The following TRIM71 variants were observed in gnomAD, a reference collection of about 807,000 sequenced individuals.
TRIM71 encodes E3 ubiquitin-protein ligase TRIM71.
Under a neutral mutation model 61.2 loss-of-function variants are expected in TRIM71, and 9 were observed. That is an observed-to-expected ratio of 0.15 (90% CI 0.09 to 0.26). TRIM71 has a LOEUF of 0.26. Ranked by LOEUF, TRIM71 falls within the 10% of genes least tolerant of loss-of-function variation. The pLI, the probability that TRIM71 is intolerant of heterozygous loss-of-function variation, is 1.00. For missense variants in TRIM71, 998 were observed against 1,238.7 expected (o/e 0.81, Z 2.92); for synonymous variants, 645 against 553.2 (o/e 1.17, Z -2.33).
chr3:32,886,214 A>G (rs1286415583), intron 3 of TRIM71, 146 bp downstream of exon 3: 8 of 1,143,526 alleles, frequency 7.0e-6, no homozygotes, highest in Non-Finnish European at 8.2e-6. Context: ...GTTAGCAGAA[A>G]GATGCAGGGG....
At chr3:32,845,718 C>CT (rs67054324) in intron 1 of TRIM71, among the ~76,000 whole-genome samples, 12 of 146,126 alleles carry the variant, frequency 8.2e-5, no homozygotes, top group African/African-American at 2.5e-4. Flanking sequence ...AAGTTTGGAT[C>CT]TTTTTTTTTT....
rs754347144 is a variant in TRIM71, at chr3:32,890,884, C to T, written c.1680C>T (p.His560=). ...ACCGACCCCAGCTGGAGGGTGAGCA[C>T]CTGGTATCTGTGACACTGTGCAACC... ...VSYRPQLEGE[H]LVSVTLCNQH... Residue 560 remains histidine (H), a synonymous_variant, in exon 4 of 4, where the codon CAC becomes CAT. Coordinates refer to ENST00000383763, the MANE Select transcript of TRIM71 (RefSeq NM_001039111.3). This position sits in a 1 kb window ranked among gnomAD's most constrained non-coding sequence, Gnocchi z 6.2. 1.3e-5 allele frequency: 21 copies of T among 1,614,068 alleles called. No individual in the cohort carries two copies. In the Admixed American group the frequency reaches 2.5e-4, roughly 19 times the overall value.
chr3:32,882,526 A>G (rs1696920322), intron 2 of TRIM71, among the ~76,000 whole-genome samples: 1 of 151,978 alleles, frequency 6.6e-6, no homozygotes. Context: ...TCCAATTCAT[A>G]TTACTTATAT....
Position 32,883,312 on chromosome 3 carries a change from G to T in TRIM71, c.1021-2622G>T, listed in dbSNP as rs56237381. On this transcript the variant is annotated intron_variant, in intron 2 of 3. Transcript: ENST00000383763. ...TATTGGCTTCTGTATTAGTTTATCGGGTCTGTTGTAACAATTTACCATAAA... is the reference window on the plus strand; with the variant it reads ...TATTGGCTTCTGTATTAGTTTATCGTGTCTGTTGTAACAATTTACCATAAA... 3.3e-5 allele frequency among the ~76,000 whole-genome samples: 5 copies of T among 152,234 alleles called. No homozygotes were observed. The South Asian group carries it at 1.0e-3, about 32-fold the overall frequency.
At position 32,845,838 on chromosome 3, in the gene TRIM71, AGC is replaced by A. The variant is rs1491252823; in HGVS notation, c.852+26907_852+26908del. ...CGGGTTCAAGTGATTCTCCTGTCTCAGCCTCCCGAGTAGCTGGGATTACAGGC... is the reference window on the plus strand; with the variant it reads ...CGGGTTCAAGTGATTCTCCTGTCTCACTCCCGAGTAGCTGGGATTACAGGC... On this transcript the variant is annotated intron_variant, in intron 1 of 3. Coordinates refer to ENST00000383763, the MANE Select transcript of TRIM71 (RefSeq NM_001039111.3). 3.9e-3 allele frequency among the ~76,000 whole-genome samples: 587 copies of A among 151,778 alleles called. 2 individuals carry two copies. The highest frequency in any genetic ancestry group is 6.7e-3 in the Non-Finnish European group (457 of 67,952).
At chr3:32,888,893 G>A (rs9867799) in intron 3 of TRIM71, among the ~76,000 whole-genome samples, 5,687 of 152,212 alleles carry the variant, frequency 0.037, 360 homozygotes, top group African/African-American at 0.13. Context: ...GTTGTGAAAT[G>A]CTGAGCCTGT....
intron 2 of TRIM71, among the ~76,000 whole-genome samples, chr3:32,877,216 G>A (rs1696859649): frequency 6.6e-6 from 1 of 152,076 alleles, no homozygotes; most frequent in South Asian, 2.1e-4. Flanking sequence ...TGATTCTCCT[G>A]CCTCAGCCTC....
At chr3:32,860,990 C>T (rs1483284101) in intron 1 of TRIM71, among the ~76,000 whole-genome samples, 1 of 151,784 alleles carries the variant, frequency 6.6e-6, no homozygotes, top group African/African-American at 2.4e-5. Flanking sequence ...GCCTGGCCAA[C>T]ATGCTGAAAC....
chr3:32,878,288 C>T (rs1242626711), intron 2 of TRIM71, among the ~76,000 whole-genome samples: 1 of 152,100 alleles, frequency 6.6e-6, no homozygotes, highest in Non-Finnish European at 1.5e-5. Context: ...TTTTTCTGAG[C>T]GGTAGGTCTG....
At chr3:32,831,251 G>A (rs1696267298) in intron 1 of TRIM71, among the ~76,000 whole-genome samples, 1 of 152,070 alleles carries the variant, frequency 6.6e-6, no homozygotes, top group Non-Finnish European at 1.5e-5. Flanking sequence ...GTAACAACTG[G>A]ATTTAAGTCC....
At chr3:32,873,544 A>G (rs556806746) in intron 1 of TRIM71, among the ~76,000 whole-genome samples, 2 of 152,312 alleles carry the variant, frequency 1.3e-5, no homozygotes, top group South Asian at 4.1e-4. Context: ...TCTCTGTTAC[A>G]GTTCTGAATG....
At chr3:32,881,751 C>G (rs566792756) in intron 2 of TRIM71, among the ~76,000 whole-genome samples, 5 of 152,190 alleles carry the variant, frequency 3.3e-5, no homozygotes, top group Non-Finnish European at 4.4e-5. Flanking sequence ...AACCTATCTG[C>G]CCTGTATGTC....
At chr3:32,860,561 A>G (rs938182272) in intron 1 of TRIM71, among the ~76,000 whole-genome samples, 1 of 152,052 alleles carries the variant, frequency 6.6e-6, no homozygotes, top group Non-Finnish European at 1.5e-5. Flanking sequence ...GACCCTCTAG[A>G]TTATTGATGG....
rs756176245 is a variant in TRIM71 at position 32,895,464 on chromosome 3, A to T, written c.*3653A>T. ...GAGGAGGAAAGTCTTTTAGGCTTGA[A>T]GCAGCAAAATACTGTTTATATATGT... is the stretch of plus-strand genomic sequence containing the variant. On this transcript the variant is annotated 3_prime_UTR_variant, in exon 4 of 4. Coordinates refer to ENST00000383763, the MANE Select transcript of TRIM71 (RefSeq NM_001039111.3). The T allele has an allele frequency of 6.6e-6, 1 of 152,228 alleles. No homozygotes were observed. Among genetic ancestry groups the T allele is most frequent in the Non-Finnish European group, 1.5e-5 (1 of 68,038 alleles). The allele number at this position is 152,228 out of a possible 1,614,324, so 9.4% of individuals were successfully genotyped here.
In TRIM71 at chr3:32,818,734, C is replaced by A; in HGVS notation, c.654C>A (p.His218Gln). ...CGCGCTGCCTCGACTGCCAGGAGCA[C>A]CTGTGCGACAACTGCGTCCGAGCGC... ...ASSRCLDCQE[H>Q]LCDNCVRAHQ... is the part of the protein sequence containing the mutation. Residue 218 changes from histidine (H) to glutamine (Q), a missense_variant, in exon 1 of 4, where the codon CAC (histidine) becomes CAA (glutamine). His to Gln is a conservative substitution (Grantham distance 24). Around this residue, in one of 5 missense-constraint regions of TRIM71, gnomAD observed 527 missense variants for 427.8 expected, o/e 1.23. Transcript: ENST00000383763. 6.2e-7 allele frequency: 1 copy of A among 1,601,048 alleles called. No individual in the cohort carries two copies. Among genetic ancestry groups the A allele is most frequent in the Non-Finnish European group, 8.5e-7 (1 of 1,177,778 alleles).
chr3:32,839,182 A>C (rs1362587932), intron 1 of TRIM71, among the ~76,000 whole-genome samples: 1 of 152,154 alleles, frequency 6.6e-6, no homozygotes, highest in African/African-American at 2.4e-5. Context: ...GCTATTATAC[A>C]TGCCATTCAG....
At chr3:32,875,207 G>A (rs571083758) in intron 2 of TRIM71, among the ~76,000 whole-genome samples, 4 of 152,298 alleles carry the variant, frequency 2.6e-5, no homozygotes, top group South Asian at 2.1e-4. Flanking sequence ...TGTGAGGTTC[G>A]GTGTCTTCAG....
intron 2 of TRIM71, among the ~76,000 whole-genome samples, chr3:32,880,192 AT>A (rs1696893242): frequency 6.6e-6 from 1 of 151,646 alleles, no homozygotes; most frequent in South Asian, 2.1e-4. Context: ...CGCCTGGCTA[AT>A]TTTTGTGTTT....
chr3:32,839,076 C>T (rs1696373451), intron 1 of TRIM71, among the ~76,000 whole-genome samples: 1 of 152,130 alleles, frequency 6.6e-6, no homozygotes, highest in African/African-American at 2.4e-5. Flanking sequence ...TCTGAGCCGC[C>T]ATGCCCAGCC....
Sources: allele counts gnomAD v4.1 joint callset (sites outside exome capture counted in the v4.1 genomes callset), GRCh38; gene constraint gnomAD v4.1.1; regional missense constraint gnomAD v4.1.1; non-coding constraint Gnocchi (gnomAD v3.1); transcripts MANE v1.5; gene names NCBI Gene and HGNC (gene_info 2026-07-23, HGNC 2026-07-21).